BLTP3B: variants seen among roughly 807,000 people sequenced by gnomAD.
BLTP3B encodes UHRF1 (ICBP90) binding protein 1-like.
chr12:100,044,014 T>C, the BLTP3B span, among the ~76,000 whole-genome samples: 1 of 152,304 alleles, frequency 6.6e-6, no homozygotes, highest in South Asian at 2.1e-4. Flanking sequence ...TATATATATG[T>C]GGTTCAGTCT....
the BLTP3B span, among the ~76,000 whole-genome samples, chr12:100,077,279 T>C: frequency 8.3e-4 from 127 of 152,314 alleles, 1 homozygote; most frequent in African/African-American, 2.6e-3. Context: ...TAACATGATA[T>C]ACAAGATTAA....
chr12:100,094,854 T>G, the BLTP3B span, among the ~76,000 whole-genome samples: 1 of 152,096 alleles, frequency 6.6e-6, no homozygotes, highest in Non-Finnish European at 1.5e-5. Context: ...GGAGACTGTT[T>G]CAAAAAATAA....
the BLTP3B span, among the ~76,000 whole-genome samples, chr12:100,071,805 T>C: frequency 6.6e-6 from 1 of 152,234 alleles, no homozygotes; most frequent in Non-Finnish European, 1.5e-5. Flanking sequence ...TCAGTTACTT[T>C]TTCAATAATA....
At chr12:100,042,328 T>C in the BLTP3B span, among the ~76,000 whole-genome samples, 2 of 151,990 alleles carry the variant, frequency 1.3e-5, no homozygotes, top group Admixed American at 1.3e-4. Flanking sequence ...CAAAAAAAAA[T>C]CTTGAAAAGG....
the BLTP3B span, among the ~76,000 whole-genome samples, chr12:100,089,900 C>A: frequency 3.0e-4 from 46 of 152,222 alleles, no homozygotes; most frequent in African/African-American, 1.1e-3. Context: ...GTGGCTTCCC[C>A]CATACTGTTC....
chr12:100,048,734 G>GGT, the BLTP3B span, among the ~76,000 whole-genome samples: 175 of 138,766 alleles, frequency 1.3e-3, 3 homozygotes, highest in African/African-American at 4.6e-3. Flanking sequence ...AGTAAGGGGG[G>GGT]GGAGAGAGAG....
chr12:100,061,239 T>C, the BLTP3B span, among the ~76,000 whole-genome samples: 5 of 152,180 alleles, frequency 3.3e-5, no homozygotes, highest in South Asian at 6.2e-4. Flanking sequence ...TCAACGTAGA[T>C]TGATTGATGA....
At chr12:100,079,449 C>T in the BLTP3B span, among the ~76,000 whole-genome samples, 6 of 152,058 alleles carry the variant, frequency 3.9e-5, no homozygotes, top group Non-Finnish European at 7.4e-5. Flanking sequence ...TTGCCCCTGC[C>T]CTAGAGATCT....
the BLTP3B span, among the ~76,000 whole-genome samples, chr12:100,111,907 C>T: frequency 3.3e-5 from 5 of 151,960 alleles, no homozygotes; most frequent in Non-Finnish European, 7.4e-5. Context: ...CGTGCCCAGC[C>T]CCAGCTAGTT....
the BLTP3B span, chr12:100,097,545 A>C: frequency 2.6e-6 from 4 of 1,540,350 alleles, no homozygotes; most frequent in Non-Finnish European, 3.5e-6. Flanking sequence ...TACTCATGCA[A>C]AACAGAATGA....
At chr12:100,142,792 C>G in the BLTP3B span, 3 of 1,090,966 alleles carry the variant, frequency 2.7e-6, no homozygotes, top group Non-Finnish European at 3.8e-6. Flanking sequence ...GCCACAGCCG[C>G]CGCCGAGAAC....
chr12:100,127,353 C>T, the BLTP3B span, among the ~76,000 whole-genome samples: 4 of 152,276 alleles, frequency 2.6e-5, no homozygotes, highest in South Asian at 2.1e-4. Context: ...CAGGCAAGAA[C>T]GTAAAACAAT....
the BLTP3B span, chr12:100,089,148 C>T: frequency 1.5e-6 from 2 of 1,373,262 alleles, no homozygotes; most frequent in African/African-American, 3.0e-5. Context: ...CTGGAAATTT[C>T]ACACAAAAAT....
the BLTP3B span, among the ~76,000 whole-genome samples, chr12:100,125,926 A>T: frequency 6.6e-6 from 1 of 152,182 alleles, no homozygotes; most frequent in African/African-American, 2.4e-5. Flanking sequence ...TGGCAACAGG[A>T]TAAAATGGAA....
chr12:100,135,225 C>G, the BLTP3B span, among the ~76,000 whole-genome samples: 4 of 152,002 alleles, frequency 2.6e-5, no homozygotes, highest in Non-Finnish European at 5.9e-5. Flanking sequence ...TGCATTTGTT[C>G]CCACTATCTC....
chr12:100,082,766 T>G, the BLTP3B span, among the ~76,000 whole-genome samples: 8 of 151,908 alleles, frequency 5.3e-5, no homozygotes, highest in African/African-American at 1.9e-4. Flanking sequence ...GTTTTTGTAA[T>G]GAGAACATGC....
chr12:100,141,583 A>T, the BLTP3B span, among the ~76,000 whole-genome samples: 1 of 152,208 alleles, frequency 6.6e-6, no homozygotes, highest in Non-Finnish European at 1.5e-5. Context: ...CTGTGGTATA[A>T]GACAATCTGG....
At chr12:100,096,431 T>A in the BLTP3B span, among the ~76,000 whole-genome samples, 1 of 152,176 alleles carries the variant, frequency 6.6e-6, no homozygotes, top group African/African-American at 2.4e-5. Flanking sequence ...TTACTTGTAT[T>A]AATTCAAAGA....
the BLTP3B span, among the ~76,000 whole-genome samples, chr12:100,063,008 T>C: frequency 1.3e-5 from 2 of 150,402 alleles, no homozygotes; most frequent in African/African-American, 4.9e-5. Flanking sequence ...AAGTCATAAA[T>C]ACTGGAAACT....
Sources: allele counts gnomAD v4.1 joint callset (sites outside exome capture counted in the v4.1 genomes callset), GRCh38; gene constraint gnomAD v4.1.1; transcripts MANE v1.5; gene names NCBI Gene and HGNC (gene_info 2026-07-23, HGNC 2026-07-21).